Variants in MAPDA observed in about 807,000 individuals in gnomAD.
MAPDA encodes the protein N6,N6-dimethyl-AMP deaminase.
chr15:43,335,575 T>G, the MAPDA span: 16 of 1,152,686 alleles, frequency 1.4e-5, no homozygotes, highest in Non-Finnish European at 1.7e-5. Context: ...ATTTGTAAAC[T>G]TTATTATGTA....
the MAPDA span, among the ~76,000 whole-genome samples, chr15:43,344,167 G>A: frequency 6.6e-6 from 1 of 152,128 alleles, no homozygotes; most frequent in Admixed American, 6.5e-5. Flanking sequence ...TTTTCCCTCT[G>A]ACACAGTAAT....
At chr15:43,344,680 G>C in the MAPDA span, among the ~76,000 whole-genome samples, 4 of 151,868 alleles carry the variant, frequency 2.6e-5, no homozygotes, top group African/African-American at 4.8e-5. Context: ...GTGGTGGCAG[G>C]CACCTGTAAT....
chr15:43,330,862 G>T, the MAPDA span: 1 of 175,212 alleles, frequency 5.7e-6, no homozygotes. Flanking sequence ...TCTAAGAGGT[G>T]AGTCTGTGGG....
At chr15:43,351,525 T>C in the MAPDA span, 1 of 518,114 alleles carries the variant, frequency 1.9e-6, no homozygotes, top group South Asian at 3.1e-5. Context: ...AAAAGCTCCT[T>C]AGGTAATTTT....
At chr15:43,349,031 A>G in the MAPDA span, 5 of 1,614,180 alleles carry the variant, frequency 3.1e-6, no homozygotes, top group East Asian at 2.2e-5. Flanking sequence ...GTGAGGCAAC[A>G]TCGGATACCA....
At chr15:43,348,605 CT>C in the MAPDA span, among the ~76,000 whole-genome samples, 1 of 152,104 alleles carries the variant, frequency 6.6e-6, no homozygotes, top group Non-Finnish European at 1.5e-5. Flanking sequence ...TTTTTCTCAG[CT>C]TTAATTTCTT....
chr15:43,335,658 T>C, the MAPDA span: 3 of 1,571,910 alleles, frequency 1.9e-6, no homozygotes, highest in South Asian at 1.2e-5. Context: ...TATGAATCTA[T>C]TGGATATTTG....
chr15:43,336,142 A>G, the MAPDA span, among the ~76,000 whole-genome samples: 3 of 152,166 alleles, frequency 2.0e-5, no homozygotes, highest in East Asian at 1.9e-4. Context: ...CTGGGGCTCA[A>G]GCAGTCCTCC....
the MAPDA span, chr15:43,330,526 T>C: frequency 2.0e-6 from 3 of 1,508,090 alleles, no homozygotes; most frequent in East Asian, 2.3e-5. Flanking sequence ...TCTGTCACGG[T>C]TGTGAGCCGC....
the MAPDA span, chr15:43,345,738 A>G: frequency 2.0e-5 from 25 of 1,277,698 alleles, no homozygotes; most frequent in Non-Finnish European, 2.7e-5. Context: ...GTCAGGCTAT[A>G]CTTTTCCTAG....
At chr15:43,341,154 A>G in the MAPDA span, among the ~76,000 whole-genome samples, 2 of 152,210 alleles carry the variant, frequency 1.3e-5, no homozygotes, top group African/African-American at 2.4e-5. Flanking sequence ...GACCTAGGTC[A>G]TCTTGTTTCC....
At chr15:43,349,295 A>C in the MAPDA span, 1 of 1,205,696 alleles carries the variant, frequency 8.3e-7, no homozygotes, top group Non-Finnish European at 1.0e-6. Flanking sequence ...TTGGAACTCA[A>C]TAAGAATTTT....
chr15:43,348,953 C>T, the MAPDA span: 7 of 1,613,936 alleles, frequency 4.3e-6, no homozygotes, highest in Admixed American at 8.3e-5. Flanking sequence ...GATCTGCTTC[C>T]TGACAGAATC....
chr15:43,334,490 T>C, the MAPDA span, among the ~76,000 whole-genome samples: 1 of 150,662 alleles, frequency 6.6e-6, no homozygotes, highest in Admixed American at 6.6e-5. Flanking sequence ...TGGCCAGGTG[T>C]GGTGGCATGT....
chr15:43,354,384 A>T, the MAPDA span: 1 of 152,192 alleles, frequency 6.6e-6, no homozygotes, highest in African/African-American at 2.4e-5. Context: ...ATTGCACAGT[A>T]AAAACATCAA....
At chr15:43,336,162 A>G in the MAPDA span, among the ~76,000 whole-genome samples, 1 of 152,058 alleles carries the variant, frequency 6.6e-6, no homozygotes, top group African/African-American at 2.4e-5. Flanking sequence ...CTATCTTAGC[A>G]TCCCAAGTAG....
the MAPDA span, among the ~76,000 whole-genome samples, chr15:43,343,247 A>G: frequency 6.6e-6 from 1 of 152,258 alleles, no homozygotes; most frequent in African/African-American, 2.4e-5. Flanking sequence ...TTCTGAGTTT[A>G]TTCATAAGGC....
At chr15:43,335,271 A>T in the MAPDA span, 1 of 1,257,500 alleles carries the variant, frequency 8.0e-7, no homozygotes, top group South Asian at 1.3e-5. Context: ...GCAGTGGCTC[A>T]TGCCTGAAAT....
the MAPDA span, chr15:43,347,217 A>G: frequency 1.4e-6 from 1 of 720,866 alleles, no homozygotes; most frequent in Admixed American, 2.8e-5. Context: ...GAAAGTAGAA[A>G]TATTTTTACA....
Sources: allele counts gnomAD v4.1 joint callset (sites outside exome capture counted in the v4.1 genomes callset), GRCh38; gene constraint gnomAD v4.1.1; transcripts MANE v1.5; gene names NCBI Gene and HGNC (gene_info 2026-07-23, HGNC 2026-07-21).